Variants in PRKAR1B observed in about 807,000 individuals in gnomAD.
The protein encoded by PRKAR1B is protein kinase cAMP-dependent type I regulatory subunit beta, also known as cAMP-dependent protein kinase type I-beta regulatory subunit.
PRKAR1B carries 22 observed loss-of-function variants against 46.5 expected under a neutral mutation model. That is an observed-to-expected ratio of 0.47 (90% confidence interval 0.34 to 0.68). The LOEUF (loss-of-function observed/expected upper bound fraction) is 0.68. Ranked by LOEUF, PRKAR1B falls within the 30% of genes least tolerant of loss-of-function variation. PRKAR1B has a pLI of 0.01. For synonymous variants in PRKAR1B, 259 were observed against 217.7 expected (o/e 1.19, Z -1.67); for missense variants, 445 against 535.6 (o/e 0.83, Z 1.67).
At chr7:581,562 G>A (rs1780187285) in intron 8 of PRKAR1B, among the ~76,000 whole-genome samples, 3 of 152,308 alleles carry the variant, frequency 2.0e-5, no homozygotes, top group South Asian at 2.1e-4. Flanking sequence ...CTGCAGTTAG[G>A]AAGTTCATTT....
intron 4 of PRKAR1B, among the ~76,000 whole-genome samples, chr7:609,270 C>T (rs1782337530): frequency 6.6e-6 from 1 of 152,204 alleles, no homozygotes; most frequent in African/African-American, 2.4e-5. Flanking sequence ...TATGGGTTCT[C>T]AGAATGAACA....
chr7:656,664 G>A (rs1785212507), intron 4 of PRKAR1B, among the ~76,000 whole-genome samples: 1 of 152,004 alleles, frequency 6.6e-6, no homozygotes, highest in Non-Finnish European at 1.5e-5. Flanking sequence ...TGAATAAGTG[G>A]GTGAATGAAT....
chr7:692,770 G>A (rs1364364830), intron 2 of PRKAR1B, among the ~76,000 whole-genome samples: 7 of 152,124 alleles, frequency 4.6e-5, no homozygotes, highest in African/African-American at 9.7e-5. Context: ...AGACCGACCC[G>A]GGCACTCAAC....
At chr7:721,890 CTTCA>C (rs1275030973) in intron 1 of PRKAR1B, among the ~76,000 whole-genome samples, 3 of 152,020 alleles carry the variant, frequency 2.0e-5, no homozygotes, top group African/African-American at 7.3e-5. Flanking sequence ...AGAAATCTGC[CTTCA>C]TTCAAACTGG....
Position 667,384 on chromosome 7 carries a change from T to C in PRKAR1B, c.440+9845A>G, listed in dbSNP as rs1785992887. 6.6e-6 allele frequency among the ~76,000 whole-genome samples: 1 copy of C among 152,168 alleles called. No individual in the cohort carries two copies. Among genetic ancestry groups the C allele is most frequent in the Admixed American group, 6.6e-5 (1 of 15,266 alleles). On this transcript the variant is annotated intron_variant, in intron 4 of 10. Transcript: ENST00000537384. The surrounding 1 kb of genome is among the most constrained non-coding windows in gnomAD (Gnocchi z 4.3). ...ATTACTTATAAATGACATCCACAACTCTCTCCTTCCAAAAGATGTTTTAAA... is the reference window on the plus strand; with the variant it reads ...ATTACTTATAAATGACATCCACAACCCTCTCCTTCCAAAAGATGTTTTAAA...
chr7:632,490 C>A (rs1417716383), intron 4 of PRKAR1B, among the ~76,000 whole-genome samples: 1 of 152,242 alleles, frequency 6.6e-6, no homozygotes, highest in Admixed American at 6.5e-5. Context: ...CGTCTGAAGA[C>A]CACCAGTGTC....
intron 2 of PRKAR1B, among the ~76,000 whole-genome samples, chr7:701,830 T>C (rs933973246): frequency 1.6e-4 from 24 of 152,200 alleles, no homozygotes; most frequent in African/African-American, 4.8e-5. Context: ...ACTGAGAATC[T>C]GTCACCAGCA....
chr7:685,240 A>C (rs1778940651), intron 2 of PRKAR1B, among the ~76,000 whole-genome samples: 2 of 141,540 alleles, frequency 1.4e-5, no homozygotes, highest in African/African-American at 5.3e-5. Context: ...ATACACACAC[A>C]TATAACACGT....
chr7:686,599 T>C (rs575488109), intron 2 of PRKAR1B, among the ~76,000 whole-genome samples: 2 of 152,316 alleles, frequency 1.3e-5, no homozygotes, highest in Admixed American at 1.3e-4. Flanking sequence ...TATTAAAGTA[T>C]AAATCAGGTT....
chr7:586,697 G>A (rs567480808), intron 7 of PRKAR1B, among the ~76,000 whole-genome samples: 1 of 152,326 alleles, frequency 6.6e-6, no homozygotes. Flanking sequence ...CACAGCCACA[G>A]CTAACTAATA....
At chr7:673,971 C>T (rs1786435371) in intron 4 of PRKAR1B, among the ~76,000 whole-genome samples, 2 of 152,334 alleles carry the variant, frequency 1.3e-5, no homozygotes, top group South Asian at 4.1e-4. Context: ...TGTTGCATGG[C>T]CTCTTCCCCT....
chr7:578,741 G>C (rs1189053043), intron 9 of PRKAR1B: 1 of 186,618 alleles, frequency 5.4e-6, no homozygotes, highest in African/African-American at 2.4e-5. Context: ...GAGTGCAATG[G>C]TGTGATCTTG....
At chr7:607,321 A>ATT in intron 5 of PRKAR1B, 70 bp downstream of exon 5, 4 of 1,273,798 alleles carry the variant, frequency 3.1e-6, no homozygotes, top group Admixed American at 2.0e-5. Context: ...CCCTTATGCT[A>ATT]TTTTTTTTTT....
At chr7:596,799 C>T (rs982290366) in intron 6 of PRKAR1B, among the ~76,000 whole-genome samples, 1 of 152,246 alleles carries the variant, frequency 6.6e-6, no homozygotes. Flanking sequence ...TCTGTCCCCA[C>T]CTCCACCAGC....
chr7:676,874 C>T, intron 4 of PRKAR1B, among the ~76,000 whole-genome samples: 1 of 151,512 alleles, frequency 6.6e-6, no homozygotes, highest in South Asian at 2.1e-4. Context: ...GCAACGGGGC[C>T]TGCCCACCTC....
chr7:552,698 G>A (rs1207270298), intron 9 of PRKAR1B, among the ~76,000 whole-genome samples: 2 of 152,238 alleles, frequency 1.3e-5, no homozygotes, highest in African/African-American at 2.4e-5. Flanking sequence ...CCTTTGCCGA[G>A]GCGAGCGGAG....
At chr7:656,786 T>C (rs1454106780) in intron 4 of PRKAR1B, among the ~76,000 whole-genome samples, 1 of 152,178 alleles carries the variant, frequency 6.6e-6, no homozygotes, top group Non-Finnish European at 1.5e-5. Flanking sequence ...AACAAAGGAA[T>C]GGATGCATGA....
intron 6 of PRKAR1B, among the ~76,000 whole-genome samples, chr7:597,009 C>T (rs992821569): frequency 2.6e-5 from 4 of 152,272 alleles, no homozygotes; most frequent in Admixed American, 2.0e-4. Flanking sequence ...CCGCCGCCCC[C>T]GCACAGGGTG....
At chr7:641,263 T>G (rs1049492358) in intron 4 of PRKAR1B, among the ~76,000 whole-genome samples, 3 of 152,092 alleles carry the variant, frequency 2.0e-5, no homozygotes, top group Non-Finnish European at 4.4e-5. Context: ...GAAAAGAGAA[T>G]TCTTTAAAGG....
Sources: allele counts gnomAD v4.1 joint callset (sites outside exome capture counted in the v4.1 genomes callset), GRCh38; gene constraint gnomAD v4.1.1; non-coding constraint Gnocchi (gnomAD v3.1); transcripts MANE v1.5; gene names NCBI Gene and HGNC (gene_info 2026-07-23, HGNC 2026-07-21).